CNTN4: variants seen among roughly 807,000 people sequenced by gnomAD.
CNTN4 encodes contactin-4.
Under a neutral mutation model 122.5 loss-of-function variants are expected in CNTN4, and 77 were observed. The ratio of observed to expected loss-of-function variants is 0.63; its 90% CI spans 0.52 to 0.76. The LOEUF (loss-of-function observed/expected upper bound fraction) is 0.76, where lower values mean the gene tolerates loss of function less well. CNTN4 is among the 30% of genes least tolerant of loss of function. The pLI is 0.00. For synonymous variants in CNTN4, 512 were observed against 447.0 expected, an observed-to-expected ratio of 1.15 and a Z score of -1.83; for missense variants, 1,256 against 1,259.1, an observed-to-expected ratio of 1.00 and a Z score of 0.04.
intron 6 of CNTN4, among the ~76,000 whole-genome samples, chr3:2,816,237 C>A (rs2092725417): frequency 6.8e-6 from 1 of 147,994 alleles, no homozygotes; most frequent in African/African-American, 2.6e-5. Flanking sequence ...GCCTGTAGTC[C>A]CAGCTACTCG....
At chr3:2,394,276 G>T (rs1021302575) in intron 3 of CNTN4, among the ~76,000 whole-genome samples, 1 of 152,104 alleles carries the variant, frequency 6.6e-6, no homozygotes, top group South Asian at 2.1e-4. Context: ...ATGTTAACAG[G>T]AACAGTATCT....
chr3:2,440,958 CAT>C (rs950593206), intron 3 of CNTN4, among the ~76,000 whole-genome samples: 45 of 149,100 alleles, frequency 3.0e-4, no homozygotes, highest in African/African-American at 1.1e-3. Context: ...TTTTCACACA[CAT>C]ATATATTTCT....
chr3:2,756,325 A>T (rs1380411808), intron 6 of CNTN4, among the ~76,000 whole-genome samples: 1 of 152,152 alleles, frequency 6.6e-6, no homozygotes, highest in Non-Finnish European at 1.5e-5. Context: ...TGTAAATGGG[A>T]TCAGTGCCCT....
chr3:2,164,802 A>AT (rs1301280144), intron 2 of CNTN4, among the ~76,000 whole-genome samples: 5 of 152,178 alleles, frequency 3.3e-5, no homozygotes, highest in Non-Finnish European at 1.5e-5. Context: ...TGACGGAAAA[A>AT]TGTGCGTTTT....
chr3:2,629,964 T>G (rs2082359291), intron 4 of CNTN4, among the ~76,000 whole-genome samples: 1 of 152,234 alleles, frequency 6.6e-6, no homozygotes, highest in African/African-American at 2.4e-5. Context: ...TTATCATTTC[T>G]CTTTACCTGG....
chr3:2,816,293 G>T (rs1163680194), intron 6 of CNTN4, among the ~76,000 whole-genome samples: 1 of 149,010 alleles, frequency 6.7e-6, no homozygotes, highest in African/African-American at 2.6e-5. Context: ...GGCAGAGCTT[G>T]CAATGAGCCG....
chr3:2,483,476 T>C (rs1181397928), intron 3 of CNTN4, among the ~76,000 whole-genome samples: 1 of 152,172 alleles, frequency 6.6e-6, no homozygotes, highest in Non-Finnish European at 1.5e-5. Context: ...AAGGTATGAT[T>C]GTGTTTTGAA....
intron 4 of CNTN4, among the ~76,000 whole-genome samples, chr3:2,678,668 T>G (rs1350633497): frequency 6.6e-6 from 1 of 152,228 alleles, no homozygotes; most frequent in African/African-American, 2.4e-5. Flanking sequence ...TCAGGCCATC[T>G]TTGCATGGTT....
intron 3 of CNTN4, among the ~76,000 whole-genome samples, chr3:2,440,656 T>A (rs903080056): frequency 3.3e-5 from 5 of 151,930 alleles, no homozygotes; most frequent in Admixed American, 3.3e-4. Context: ...AATTTACTCA[T>A]CCATTCAACA....
intron 4 of CNTN4, among the ~76,000 whole-genome samples, chr3:2,693,896 C>T (rs1051152572): frequency 2.0e-5 from 3 of 152,164 alleles, no homozygotes; most frequent in Admixed American, 6.6e-5. Flanking sequence ...CTAAGAAGGA[C>T]ACTTCTCAAA....
intron 4 of CNTN4, among the ~76,000 whole-genome samples, chr3:2,728,365 C>T (rs111228292): frequency 7.2e-5 from 11 of 152,314 alleles, no homozygotes; most frequent in African/African-American, 2.6e-4. Flanking sequence ...GCCAGCAGGA[C>T]ACAGTGTGCC....
intron 5 of CNTN4, among the ~76,000 whole-genome samples, chr3:2,737,302 T>C (rs2089181250): frequency 6.6e-6 from 1 of 151,764 alleles, no homozygotes; most frequent in African/African-American, 2.4e-5. Flanking sequence ...ACTGGTCTCG[T>C]ATTCCTGACC....
chr3:2,981,540 T>G (rs1315778603), intron 13 of CNTN4, among the ~76,000 whole-genome samples: 15 of 151,800 alleles, frequency 9.9e-5, no homozygotes. Context: ...ATCCTTGGAC[T>G]GGATTTAGGT....
chr3:2,573,627 A>G (rs759906313), intron 4 of CNTN4, among the ~76,000 whole-genome samples: 3 of 152,198 alleles, frequency 2.0e-5, no homozygotes, highest in Non-Finnish European at 4.4e-5. Flanking sequence ...AAGGGTTAAA[A>G]ATCAAGAAAG....
At chr3:2,987,380 A>G (rs1694678086) in intron 13 of CNTN4, among the ~76,000 whole-genome samples, 1 of 152,216 alleles carries the variant, frequency 6.6e-6, no homozygotes. Flanking sequence ...AAATTTTAAA[A>G]GATCATCTGG....
chr3:2,103,272 G>T (rs147300226), intron 2 of CNTN4, among the ~76,000 whole-genome samples: 11 of 151,128 alleles, frequency 7.3e-5, no homozygotes, highest in East Asian at 1.9e-4. Context: ...AAGTTGCCAA[G>T]AGAATTTTTT....
At chr3:2,826,633 C>A (rs1468636184) in intron 7 of CNTN4, among the ~76,000 whole-genome samples, 2 of 152,188 alleles carry the variant, frequency 1.3e-5, no homozygotes, top group East Asian at 3.9e-4. Flanking sequence ...CTGTTTCTGT[C>A]TTCCCACACC....
At chr3:2,564,872 A>G (rs887472518) in intron 3 of CNTN4, among the ~76,000 whole-genome samples, 5 of 152,190 alleles carry the variant, frequency 3.3e-5, no homozygotes, top group African/African-American at 9.6e-5. Flanking sequence ...ATTAATCCGT[A>G]TAACTGTGGA....
chr3:2,141,765 A>G (rs1038969247), intron 2 of CNTN4, among the ~76,000 whole-genome samples: 1 of 152,078 alleles, frequency 6.6e-6, no homozygotes, highest in Non-Finnish European at 1.5e-5. Context: ...TACAAGCAGA[A>G]TTACCCCATA....
Sources: allele counts gnomAD v4.1 joint callset (sites outside exome capture counted in the v4.1 genomes callset), GRCh38; gene constraint gnomAD v4.1.1; transcripts MANE v1.5; gene names NCBI Gene and HGNC (gene_info 2026-07-23, HGNC 2026-07-21).